The following PTPN22 variants were observed in gnomAD, a reference collection of about 807,000 sequenced individuals.
The protein encoded by PTPN22 is tyrosine-protein phosphatase non-receptor type 22.
Under a neutral mutation model 103.3 loss-of-function variants are expected in PTPN22, and 85 were observed. The observed-to-expected ratio is 0.82, with a 90% confidence interval of 0.69 to 0.99. The LOEUF (loss-of-function observed/expected upper bound fraction) is 0.99, where lower values mean the gene tolerates loss of function less well. PTPN22 is among the 50% of genes least tolerant of loss of function. The probability of loss-of-function intolerance (pLI) is 0.00; values close to 1 mark genes in which losing one functional copy is unlikely to be tolerated. For missense variants in PTPN22, 865 were observed against 936.9 expected, an observed-to-expected ratio of 0.92 and a Z score of 1.00; for synonymous variants, 323 against 310.2, an observed-to-expected ratio of 1.04 and a Z score of -0.43.
intron 20 of PTPN22, 57 bp downstream of exon 20, chr1:113,819,520 C>A: frequency 7.5e-7 from 1 of 1,327,106 alleles, no homozygotes; most frequent in Non-Finnish European, 1.1e-6. Flanking sequence ...ATCAGTTATA[C>A]TGTAAATGAG....
chr1:113,863,974 A>G lies in PTPN22; in HGVS notation c.88-4514T>C, dbSNP rs1034075996. ...CACTCTGTCATCCAGGCTAGAGTGC[A>G]GTGGCGCGATCTCGGCTCACTGCAA... On this transcript the variant is annotated intron_variant, in intron 1 of 20. Coordinates refer to ENST00000359785, the Ensembl canonical transcript of PTPN22. Among the ~76,000 whole-genome samples the G allele has an allele frequency of 2.7e-5, 4 of 149,682 alleles. No homozygotes were observed. In the East Asian group the frequency reaches 7.8e-4, roughly 29 times the overall value.
chr1:113,837,707 A>G (rs1405725280), exon 13 of PTPN22: 1 of 1,608,846 alleles, frequency 6.2e-7, no homozygotes, highest in Admixed American at 1.7e-5. Flanking sequence ...GGCAACAGAG[A>G]AGAAGGAAAA....
Position 113,821,895 on chromosome 1 carries a change from T to C in PTPN22, c.2282-2241A>G, listed in dbSNP as rs370471664. Among the ~76,000 whole-genome samples, 10 of 152,350 alleles carry C rather than the reference T, an allele frequency of 6.6e-5. No homozygotes were observed. In the East Asian group the frequency reaches 9.6e-4, roughly 15 times the overall value. On this transcript the variant is annotated intron_variant, in intron 19 of 20. Transcript: ENST00000359785. ...AGTGTTAAATATTAGGGCATGACAC[T>C]ATCCTGCCTAATCAGAACATTGACT... is the stretch of plus-strand genomic sequence containing the variant.
intron 13 of PTPN22, among the ~76,000 whole-genome samples, chr1:113,837,107 A>T (rs1325670393): frequency 6.6e-6 from 1 of 152,074 alleles, no homozygotes; most frequent in East Asian, 1.9e-4. Flanking sequence ...TTATTACAGC[A>T]TTAAAACACT....
At chr1:113,859,959 C>CTTTT (rs35810164) in intron 1 of PTPN22, among the ~76,000 whole-genome samples, 1 of 114,832 alleles carries the variant, frequency 8.7e-6, no homozygotes, top group Non-Finnish European at 1.8e-5. Context: ...AAAGCAGTCA[C>CTTTT]TTTTTTTTTT....
chr1:113,858,521 G>T (rs771337900), exon 4 of PTPN22: 24 of 1,607,126 alleles, frequency 1.5e-5, no homozygotes, highest in Non-Finnish European at 2.0e-5. Flanking sequence ...GTCCAGGAGG[G>T]TTGTAGATAA....
intron 3 of PTPN22, 23 bp from the exon 4 acceptor site, chr1:113,858,596 C>T (rs72483510): frequency 2.9e-5 from 41 of 1,422,990 alleles, no homozygotes; most frequent in East Asian, 7.0e-5. Flanking sequence ...AGAAATTACA[C>T]GGGGTGACTA....
chr1:113,871,495 A>G, intron 1 of PTPN22, 42 bp downstream of exon 1: 2 of 1,537,006 alleles, frequency 1.3e-6, no homozygotes, highest in South Asian at 2.2e-5. Context: ...TCAGTTAAAT[A>G]GTGTATGTAA....
intron 1 of PTPN22, among the ~76,000 whole-genome samples, chr1:113,861,375 G>A (rs1478704477): frequency 6.6e-6 from 1 of 151,998 alleles, no homozygotes; most frequent in Non-Finnish European, 1.5e-5. Flanking sequence ...AAAGTAGCTG[G>A]GGTTACAGGC....
intron 10 of PTPN22, among the ~76,000 whole-genome samples, chr1:113,850,023 A>C (rs1375679550): frequency 6.6e-6 from 1 of 151,834 alleles, no homozygotes; most frequent in Non-Finnish European, 1.5e-5. Context: ...GTGAAACCCC[A>C]TCTCCACTAA....
At chr1:113,829,876 G>A (rs1662403767) in intron 17 of PTPN22, 73 bp downstream of exon 17, 2 of 1,379,096 alleles carry the variant, frequency 1.5e-6, no homozygotes, top group Admixed American at 3.5e-5. Context: ...TTTCCATTTA[G>A]GTCCTACTTT....
At chr1:113,855,333 A>T (rs781490164) in intron 7 of PTPN22, among the ~76,000 whole-genome samples, 6 of 151,932 alleles carry the variant, frequency 3.9e-5, no homozygotes, top group Non-Finnish European at 8.8e-5. Flanking sequence ...TGTCTCTACT[A>T]AAAATACAAA....
intron 20 of PTPN22, 31 bp from the exon 21 acceptor site, chr1:113,815,000 A>G: frequency 6.6e-7 from 1 of 1,525,310 alleles, no homozygotes; most frequent in Non-Finnish European, 9.0e-7. Flanking sequence ...GAATGAAAAG[A>G]AAGATGTTTT....
At chr1:113,822,851 T>C (rs1661729264) in intron 19 of PTPN22, among the ~76,000 whole-genome samples, 1 of 152,054 alleles carries the variant, frequency 6.6e-6, no homozygotes, top group Admixed American at 6.6e-5. Flanking sequence ...TCCCAGCACT[T>C]GGGAGGCTGA....
intron 1 of PTPN22, among the ~76,000 whole-genome samples, chr1:113,870,103 G>A (rs976010094): frequency 1.3e-5 from 2 of 152,154 alleles, no homozygotes; most frequent in African/African-American, 4.8e-5. Flanking sequence ...TATTTTTAGT[G>A]CTTAGAACTG....
intron 20 of PTPN22, among the ~76,000 whole-genome samples, chr1:113,817,266 C>G (rs1008607871): frequency 6.6e-6 from 1 of 152,298 alleles, no homozygotes; most frequent in African/African-American, 2.4e-5. Context: ...TATTTGATCT[C>G]TTTCACTGGT....
At chr1:113,856,520 C>T in intron 6 of PTPN22, 28 bp downstream of exon 6, 1 of 1,614,146 alleles carries the variant, frequency 6.2e-7, no homozygotes, top group Non-Finnish European at 8.5e-7. Context: ...AGGCTTTACT[C>T]AGACATGAGA....
chr1:113,838,754 G>A, intron 11 of PTPN22, 134 bp from the exon 12 acceptor site: 2 of 1,360,198 alleles, frequency 1.5e-6, no homozygotes, highest in Non-Finnish European at 1.9e-6. Flanking sequence ...AGTTAGATTA[G>A]CTTCCAAAAT....
intron 1 of PTPN22, among the ~76,000 whole-genome samples, chr1:113,861,997 G>C (rs2102155744): frequency 6.6e-6 from 1 of 151,842 alleles, no homozygotes; most frequent in East Asian, 1.9e-4. Context: ...ATAAAGTGAA[G>C]AGACTGGGTG....
Sources: gnomAD v4.1 joint callset for allele counts (sites outside exome capture counted in the v4.1 genomes callset) on GRCh38, gnomAD v4.1.1 for gene constraint, MANE v1.5 for transcripts, NCBI Gene and HGNC (gene_info 2026-07-23, HGNC 2026-07-21) for gene names.